The following QTMAN variants were observed in gnomAD, a reference collection of about 807,000 sequenced individuals.
The protein encoded by QTMAN is tRNA-queuosine alpha-mannosyltransferase.
the QTMAN span, among the ~76,000 whole-genome samples, chr2:144,064,927 A>G: frequency 6.6e-6 from 1 of 152,160 alleles, no homozygotes; most frequent in Non-Finnish European, 1.5e-5. Flanking sequence ...AATAGATCAA[A>G]TGTGATAAGG....
At chr2:143,962,960 A>G in the QTMAN span, among the ~76,000 whole-genome samples, 4 of 152,284 alleles carry the variant, frequency 2.6e-5, no homozygotes, top group Non-Finnish European at 5.9e-5. Flanking sequence ...GTTTTGTTCA[A>G]TGCAACTGCT....
At chr2:144,167,080 A>G in the QTMAN span, among the ~76,000 whole-genome samples, 1 of 152,180 alleles carries the variant, frequency 6.6e-6, no homozygotes, top group African/African-American at 2.4e-5. Flanking sequence ...CCTTTGTGTT[A>G]AAGTAGGTCT....
the QTMAN span, among the ~76,000 whole-genome samples, chr2:144,076,031 G>A: frequency 0.057 from 8,669 of 152,140 alleles, 826 homozygotes; most frequent in African/African-American, 0.19. Context: ...GGTGGATCAC[G>A]AGGTCAGGAG....
At chr2:144,276,906 C>G in the QTMAN span, among the ~76,000 whole-genome samples, 1 of 152,130 alleles carries the variant, frequency 6.6e-6, no homozygotes, top group African/African-American at 2.4e-5. Context: ...GTCATTATAT[C>G]AATACTTATA....
the QTMAN span, among the ~76,000 whole-genome samples, chr2:144,148,375 G>A: frequency 6.6e-6 from 1 of 151,808 alleles, no homozygotes; most frequent in Non-Finnish European, 1.5e-5. Context: ...CAGGTGTGTA[G>A]TAATTCATAG....
chr2:144,225,784 T>C, the QTMAN span, among the ~76,000 whole-genome samples: 6 of 152,228 alleles, frequency 3.9e-5, no homozygotes, highest in African/African-American at 2.4e-5. Flanking sequence ...CTTTCCTCTG[T>C]AGTGCCCTAA....
chr2:144,098,858 A>AC, the QTMAN span, among the ~76,000 whole-genome samples: 1 of 152,202 alleles, frequency 6.6e-6, no homozygotes, highest in South Asian at 2.1e-4. Flanking sequence ...AAAAAAAAAA[A>AC]AAAACTGACT....
chr2:143,972,317 T>C, the QTMAN span, among the ~76,000 whole-genome samples: 1 of 152,110 alleles, frequency 6.6e-6, no homozygotes, highest in Non-Finnish European at 1.5e-5. Flanking sequence ...AACAATATAA[T>C]ATATCTTAAA....
At chr2:144,108,338 T>C in the QTMAN span, among the ~76,000 whole-genome samples, 8 of 152,136 alleles carry the variant, frequency 5.3e-5, no homozygotes, top group South Asian at 2.1e-4. Context: ...GATGACATGA[T>C]TGTATATTTA....
At chr2:144,027,658 T>C in the QTMAN span, among the ~76,000 whole-genome samples, 1 of 152,192 alleles carries the variant, frequency 6.6e-6, no homozygotes. Flanking sequence ...AAGTACACAT[T>C]TGCTTCTAAA....
the QTMAN span, among the ~76,000 whole-genome samples, chr2:144,274,353 G>A: frequency 3.9e-5 from 6 of 152,144 alleles, no homozygotes; most frequent in African/African-American, 1.4e-4. Context: ...TGTGTGATAG[G>A]AGCATCTATT....
chr2:144,206,001 T>A, the QTMAN span, among the ~76,000 whole-genome samples: 614 of 152,350 alleles, frequency 4.0e-3, 2 homozygotes, highest in African/African-American at 0.014. Context: ...AGCTCTAACA[T>A]GAATCATGAT....
the QTMAN span, chr2:144,145,615 G>A: frequency 2.1e-4 from 336 of 1,609,868 alleles, 1 homozygote; most frequent in Admixed American, 3.3e-4. Flanking sequence ...TCCCTCTCCT[G>A]ACATTTCTTG....
chr2:143,950,835 T>G, the QTMAN span: 1 of 152,024 alleles, frequency 6.6e-6, no homozygotes, highest in African/African-American at 2.4e-5. Context: ...TACAATACAA[T>G]ACTATTGACT....
the QTMAN span, among the ~76,000 whole-genome samples, chr2:143,991,881 T>C: frequency 0.049 from 5,216 of 107,044 alleles, 191 homozygotes; most frequent in East Asian, 0.21. Context: ...ACCCTCTGCC[T>C]GGCCAGCCAC....
At chr2:144,269,897 TAAGA>T in the QTMAN span, among the ~76,000 whole-genome samples, 1 of 151,664 alleles carries the variant, frequency 6.6e-6, no homozygotes, top group East Asian at 1.9e-4. Context: ...ACAGCATATA[TAAGA>T]AATATAAATT....
the QTMAN span, among the ~76,000 whole-genome samples, chr2:144,092,158 C>T: frequency 6.6e-6 from 1 of 150,672 alleles, no homozygotes; most frequent in African/African-American, 2.5e-5. Context: ...CATACGTCAA[C>T]ATTTATAAAA....
chr2:144,103,921 C>T, the QTMAN span, among the ~76,000 whole-genome samples: 5 of 152,026 alleles, frequency 3.3e-5, no homozygotes, highest in African/African-American at 1.2e-4. Flanking sequence ...AAAACCCTGT[C>T]TCTACTAAAA....
At chr2:144,011,072 T>C in the QTMAN span, among the ~76,000 whole-genome samples, 1 of 152,132 alleles carries the variant, frequency 6.6e-6, no homozygotes, top group Non-Finnish European at 1.5e-5. Context: ...GGTTTCCTTG[T>C]TTATAGTATC....
Sources: allele counts gnomAD v4.1 joint callset (sites outside exome capture counted in the v4.1 genomes callset), GRCh38; gene constraint gnomAD v4.1.1; transcripts MANE v1.5; gene names NCBI Gene and HGNC (gene_info 2026-07-23, HGNC 2026-07-21).